Variants in CLIP4 observed in about 807,000 individuals in gnomAD.
The protein encoded by CLIP4 is CAP-Gly domain containing linker protein family member 4, also known as CAP-Gly domain-containing linker protein 4.
CLIP4 carries 47 observed loss-of-function variants against 73.1 expected under a neutral mutation model. The observed-to-expected ratio is 0.64, with a 90% CI of 0.51 to 0.82. The LOEUF is 0.82. Among genes scored for constraint, CLIP4 ranks in the 40% least tolerant of loss-of-function variants. The pLI is 0.00. For missense variants in CLIP4, 874 were observed against 852.9 expected (o/e 1.02, Z -0.31); for synonymous variants, 306 against 295.4 (o/e 1.04, Z -0.37).
At chr2:29,155,980 T>C (rs1666896828) in intron 9 of CLIP4, among the ~76,000 whole-genome samples, 1 of 152,250 alleles carries the variant, frequency 6.6e-6, no homozygotes, top group South Asian at 2.1e-4. Context: ...AAGTACTCTG[T>C]TCCAGCCAAG....
rs142356318 is a variant in CLIP4 at position 29,152,696 on chromosome 2, C to A, written c.1033C>A (p.Pro345Thr). ...GCATTCTCCCTTAGGTATTTTTGCA[C>A]CTCTTTCAAAGATAAGTAAAGCAAA... ...KCAPKYGIFAPLSKISKAKGR... is the reference protein window; with the variant it reads ...KCAPKYGIFATLSKISKAKGR... The change falls in exon 9 of 16, where the codon CCT becomes ACT. Residue 345 changes from proline (P) to threonine (T), a missense_variant. Coordinates refer to ENST00000320081, the MANE Select transcript of CLIP4 (RefSeq NM_024692.6). 2 of 1,612,536 alleles carry A rather than the reference C, an allele frequency of 1.2e-6. No individual in the cohort carries two copies. Among genetic ancestry groups the A allele is most frequent in the Admixed American group, 1.7e-5 (1 of 59,798 alleles).
chr2:29,146,769 T>C (rs980124175), intron 8 of CLIP4, among the ~76,000 whole-genome samples: 7 of 152,182 alleles, frequency 4.6e-5, no homozygotes, highest in Non-Finnish European at 7.3e-5. Context: ...TTTCTCTTCT[T>C]GTGCCTCAGT....
intron 1 of CLIP4, chr2:29,097,987 C>CGAGATTGAAA (rs1390537820): frequency 3.9e-5 from 6 of 152,174 alleles, no homozygotes; most frequent in Non-Finnish European, 8.8e-5. Flanking sequence ...TCCATACAGC[C>CGAGATTGAAA]CTCTGATGAA....
intron 8 of CLIP4, among the ~76,000 whole-genome samples, chr2:29,151,068 T>G (rs371724375): frequency 6.6e-6 from 1 of 152,192 alleles, no homozygotes; most frequent in Admixed American, 6.5e-5. Flanking sequence ...AATATTACAG[T>G]GATGACATAT....
At chr2:29,141,293 T>C (rs945331401) in intron 6 of CLIP4, among the ~76,000 whole-genome samples, 49 of 152,310 alleles carry the variant, frequency 3.2e-4, no homozygotes, top group African/African-American at 1.2e-3. Context: ...ATAGCATTTA[T>C]ATTCTGTGGT....
rs1664956556 is a variant in CLIP4, at chr2:29,131,365, G to A, written c.241G>A (p.Val81Ile). 6.2e-7 allele frequency: 1 copy of A among 1,604,286 alleles called. No individual in the cohort carries two copies. Among genetic ancestry groups the A allele is most frequent in the Non-Finnish European group, 8.5e-7 (1 of 1,176,830 alleles). Residue 81 changes from valine to isoleucine, a missense_variant, in exon 3 of 16, where the codon GTC (valine) becomes ATC (isoleucine). By Grantham distance (29) the Val-to-Ile change is conservative. Coordinates refer to ENST00000320081, the MANE Select transcript of CLIP4 (RefSeq NM_024692.6). ...FAILRQWVPQ[V>I]QQNIDIIGNE... Reference sequence around the variant, plus strand: ...CATTTTGAGACAGTGGGTTCCTCAGGTCCAACAAAACATTGACATTATTGG... The same window carrying A: ...CATTTTGAGACAGTGGGTTCCTCAGATCCAACAAAACATTGACATTATTGG...
At chr2:29,113,257 ACCT>A (rs1352978868), upstream of CLIP4, among the ~76,000 whole-genome samples, 3 of 152,172 alleles carry the variant, frequency 2.0e-5, no homozygotes, top group Non-Finnish European at 4.4e-5. This position sits in a 1 kb window ranked among gnomAD's most constrained non-coding sequence, Gnocchi z 4.0. Flanking sequence ...TAAGTTGATC[ACCT>A]CCTGACGCTG....
chr2:29,130,777 G>C, intron 2 of CLIP4: 2 of 1,285,170 alleles, frequency 1.6e-6, no homozygotes, highest in Non-Finnish European at 2.0e-6. Flanking sequence ...TAAGAACTAT[G>C]TGTACATAGT....
At chr2:29,134,258 C>A (rs1385632893) in intron 5 of CLIP4, among the ~76,000 whole-genome samples, 2 of 151,724 alleles carry the variant, frequency 1.3e-5, no homozygotes, top group East Asian at 3.9e-4. Flanking sequence ...TTTTTTTTCC[C>A]TGTTTTGATG....
intron 1 of CLIP4, among the ~76,000 whole-genome samples, chr2:29,107,358 G>GTTTGTT: frequency 1.5e-5 from 1 of 65,352 alleles, no homozygotes; most frequent in Admixed American, 2.3e-4. Flanking sequence ...GAACATGATA[G>GTTTGTT]TTTTTTTTTT....
intron 15 of CLIP4, among the ~76,000 whole-genome samples, chr2:29,177,301 C>G (rs1232838416): frequency 6.6e-6 from 1 of 151,368 alleles, no homozygotes; most frequent in East Asian, 1.9e-4. Flanking sequence ...CCCAGCTACT[C>G]AGGAGGCTGA....
Position 29,131,355 on chromosome 2 carries a change from G to A in CLIP4, c.231G>A (p.Trp77Ter). The A allele has an allele frequency of 6.2e-7, 1 of 1,607,908 alleles. No homozygotes were observed. Among genetic ancestry groups the A allele is most frequent in the Non-Finnish European group, 8.5e-7 (1 of 1,177,880 alleles). ...AATTATTTGCCATTTTGAGACAGTG[G>A]GTTCCTCAGGTCCAACAAAACATTG... Reference protein sequence around the residue: ...VSELFAILRQWVPQVQQNIDI... With the variant: ...VSELFAILRQ The change falls in exon 3 of 16, where the codon TGG becomes TGA. Residue 77 changes from tryptophan to a stop codon, truncating the protein, a stop_gained. Transcript: ENST00000320081. LOFTEE classifies it high-confidence loss of function.
Position 29,181,677 on chromosome 2 carries a change from C to T in CLIP4, c.1902C>T (p.Ser634=). 1.2e-6 allele frequency: 2 copies of T among 1,614,138 alleles called. No individual in the cohort carries two copies. The highest frequency in any genetic ancestry group is 1.7e-6 in the Non-Finnish European group (2 of 1,180,012). ...HEGSQVLLTS[S]NEMGTVRYVG... is the part of the protein sequence containing the mutation. Reference sequence around the variant, plus strand: ...GGTCTCAGGTCCTGCTCACGAGCTCCAATGAGATGGGTACTGTTAGGTATG... The same window carrying T: ...GGTCTCAGGTCCTGCTCACGAGCTCTAATGAGATGGGTACTGTTAGGTATG... Residue 634 remains serine, a synonymous_variant, in exon 16 of 16, where the codon TCC becomes TCT. Transcript: ENST00000320081.
intron 2 of CLIP4, chr2:29,130,091 A>T: frequency 1.3e-5 from 6 of 470,958 alleles, no homozygotes. Context: ...AGAGTTCTAC[A>T]CAGAAGGAGG....
intron 1 of CLIP4, among the ~76,000 whole-genome samples, chr2:29,109,037 G>A (rs765022406): frequency 3.3e-5 from 5 of 152,138 alleles, no homozygotes; most frequent in Non-Finnish European, 7.4e-5. Context: ...TTTTGGCGTT[G>A]GATGATTGCA....
In CLIP4 at chr2:29,171,906, A is replaced by G. The variant is rs143378731; in HGVS notation, c.1724-2467A>G. ...GCATTTATTGTAATTACTGATATAC[A>G]CTGATGATATTTTTGTTATTTTATT... On this transcript the variant is annotated intron_variant, in intron 14 of 15. Coordinates refer to ENST00000320081, the MANE Select transcript of CLIP4 (RefSeq NM_024692.6). Among the ~76,000 whole-genome samples, 221 of 151,918 alleles carry G rather than the reference A, an allele frequency of 1.5e-3. 1 individual carries two copies. Among genetic ancestry groups the G allele is most frequent in the Non-Finnish European group, 2.7e-3 (186 of 67,958 alleles).
At chr2:29,136,201 A>T (rs1207225965) in intron 6 of CLIP4, among the ~76,000 whole-genome samples, 1 of 146,352 alleles carries the variant, frequency 6.8e-6, no homozygotes. Flanking sequence ...TTTTTTTTTC[A>T]GAAAGTGTTC....
chr2:29,179,742 A>G (rs560157887), intron 15 of CLIP4, among the ~76,000 whole-genome samples: 122 of 152,346 alleles, frequency 8.0e-4, no homozygotes, highest in African/African-American at 2.8e-3. Context: ...ATTAACCTAT[A>G]TACATTTCTC....
rs1055632317 is a variant in CLIP4 at position 29,182,296 on chromosome 2, T to C, written c.*403T>C. The C allele has an allele frequency of 1.3e-5, 2 of 154,956 alleles. No homozygotes were observed. Among genetic ancestry groups the C allele is most frequent in the African/African-American group, 2.4e-5 (1 of 41,528 alleles). 9.6% of individuals were successfully genotyped at this position (154,956 alleles called of 1,614,324 possible). ...TGTGTAATGTTCACGTGACCTTTTT[T>C]TGTCAATCATTTTTGGAATTTTTCT... On this transcript the variant is annotated 3_prime_UTR_variant, in exon 16 of 16. Coordinates refer to ENST00000320081, the MANE Select transcript of CLIP4 (RefSeq NM_024692.6).
Sources: gnomAD v4.1 joint callset for allele counts (sites outside exome capture counted in the v4.1 genomes callset) on GRCh38, gnomAD v4.1.1 for gene constraint, Gnocchi (gnomAD v3.1) non-coding constraint, MANE v1.5 for transcripts, NCBI Gene and HGNC (gene_info 2026-07-23, HGNC 2026-07-21) for gene names.